KIAA1217: variants seen among roughly 807,000 people sequenced by gnomAD.
The protein encoded by KIAA1217 is sickle tail protein homolog.
KIAA1217 carries 88 observed loss-of-function variants against 163.9 expected under a neutral mutation model. That is an observed-to-expected ratio of 0.54 (90% CI 0.45 to 0.64). The LOEUF (loss-of-function observed/expected upper bound fraction) is 0.64, where lower values mean the gene tolerates loss of function less well. KIAA1217 is among the 30% of genes least tolerant of loss of function. The pLI, the probability that KIAA1217 is intolerant of heterozygous loss-of-function variation, is 0.00. For missense variants in KIAA1217, 2,372 were observed against 2,475.0 expected, an observed-to-expected ratio of 0.96 and a Z score of 0.88; for synonymous variants, 903 against 923.1, an observed-to-expected ratio of 0.98 and a Z score of 0.39.
intron 1 of KIAA1217, among the ~76,000 whole-genome samples, chr10:23,793,116 A>T (rs1836034893): frequency 1.3e-5 from 2 of 152,138 alleles, no homozygotes; most frequent in Non-Finnish European, 2.9e-5. Flanking sequence ...GAAATGAGTG[A>T]CGATTTGTGC....
chr10:23,871,480 T>C (rs1030177733), intron 1 of KIAA1217, among the ~76,000 whole-genome samples: 7 of 152,198 alleles, frequency 4.6e-5, no homozygotes, highest in Admixed American at 4.6e-4. Flanking sequence ...TCATTCTTGA[T>C]TTTTAGTCAA....
At chr10:23,816,277 TTTG>T (rs766444497) in intron 1 of KIAA1217, among the ~76,000 whole-genome samples, 86 of 152,152 alleles carry the variant, frequency 5.7e-4, no homozygotes, top group Middle Eastern at 3.4e-3. Context: ...CACATTTCTT[TTTG>T]TTGTTGTTGT....
chr10:23,930,294 A>G (rs1443510947), intron 1 of KIAA1217, among the ~76,000 whole-genome samples: 1 of 152,176 alleles, frequency 6.6e-6, no homozygotes, highest in Non-Finnish European at 1.5e-5. Flanking sequence ...TTAAAAAATC[A>G]ACCCCAGGAT....
intron 2 of KIAA1217, among the ~76,000 whole-genome samples, chr10:24,072,888 A>G (rs1023041603): frequency 1.3e-5 from 2 of 152,042 alleles, no homozygotes; most frequent in Non-Finnish European, 2.9e-5. Flanking sequence ...GTGAAACCCC[A>G]TCTCTACAGA....
intron 1 of KIAA1217, among the ~76,000 whole-genome samples, chr10:23,769,427 C>G (rs1049931539): frequency 2.7e-4 from 41 of 152,178 alleles, no homozygotes; most frequent in Non-Finnish European, 1.3e-4. Flanking sequence ...ATCTTGTAGC[C>G]TCCGGCTTCA....
chr10:24,514,403 G>A lies in KIAA1217; in HGVS notation c.2177+969G>A, dbSNP rs146206366. On this transcript the variant is annotated intron_variant, in intron 10 of 20. Transcript: ENST00000376454. The stretch of plus-strand genomic sequence containing the variant: ...CTATCTCCTATTGGAGCTGTGGCTC[G>A]TGTCGCCCTGGATGCCAACCTAATG... Among the ~76,000 whole-genome samples, 444 of 152,232 alleles carry A rather than the reference G, an allele frequency of 2.9e-3. 1 individual carries two copies. The highest frequency in any genetic ancestry group is 0.01 in the African/African-American group (431 of 41,524).
intron 2 of KIAA1217, among the ~76,000 whole-genome samples, chr10:24,190,723 T>C (rs1227854523): frequency 6.6e-6 from 1 of 152,232 alleles, no homozygotes; most frequent in East Asian, 1.9e-4. Flanking sequence ...CTTAACACCT[T>C]TCCATCCTTT....
At chr10:23,818,347 A>G (rs995442364) in intron 1 of KIAA1217, among the ~76,000 whole-genome samples, 1 of 116,966 alleles carries the variant, frequency 8.5e-6, no homozygotes, top group Non-Finnish European at 1.7e-5. Context: ...TATATATATA[A>G]AAAAATATAT....
At chr10:24,511,946 T>G (rs2069239503) in intron 9 of KIAA1217, among the ~76,000 whole-genome samples, 1 of 152,170 alleles carries the variant, frequency 6.6e-6, no homozygotes, top group South Asian at 2.1e-4. Flanking sequence ...CTACGAGCTA[T>G]GAGATATTAC....
chr10:24,142,174 T>C (rs2064114624), intron 2 of KIAA1217, among the ~76,000 whole-genome samples: 1 of 152,186 alleles, frequency 6.6e-6, no homozygotes, highest in African/African-American at 2.4e-5. Context: ...ATACCTGATA[T>C]GTATTTAGAT....
intron 2 of KIAA1217, among the ~76,000 whole-genome samples, chr10:24,301,918 G>A (rs559544592): frequency 1.4e-4 from 21 of 152,242 alleles, no homozygotes; most frequent in Admixed American, 5.2e-4. Flanking sequence ...GGTGGCGCCC[G>A]CCTATAATCC....
intron 1 of KIAA1217, among the ~76,000 whole-genome samples, chr10:23,713,905 C>T (rs1837409755): frequency 6.6e-6 from 1 of 152,120 alleles, no homozygotes; most frequent in Admixed American, 6.6e-5. Context: ...TAGCTCAGAA[C>T]TTTCTTCTGA....
intron 1 of KIAA1217, among the ~76,000 whole-genome samples, chr10:23,983,109 G>T (rs1186072678): frequency 6.6e-6 from 1 of 151,912 alleles, no homozygotes; most frequent in Non-Finnish European, 1.5e-5. Flanking sequence ...AGAACAAGCA[G>T]AAACAGGCAA....
intron 2 of KIAA1217, among the ~76,000 whole-genome samples, chr10:24,295,883 G>T (rs1478536478): frequency 2.6e-5 from 4 of 152,052 alleles, no homozygotes; most frequent in Non-Finnish European, 4.4e-5. Flanking sequence ...CGCTCTTATG[G>T]CACATGGCTC....
At chr10:24,259,649 G>A (rs2075529379) in intron 2 of KIAA1217, among the ~76,000 whole-genome samples, 1 of 152,204 alleles carries the variant, frequency 6.6e-6, no homozygotes, top group Non-Finnish European at 1.5e-5. Flanking sequence ...GTGAAAGCGA[G>A]TCCTGCTCAG....
In KIAA1217 at chr10:24,513,051, CTGGTTGCCAGT is replaced by C. The variant is rs199504479; in HGVS notation, c.2002-204_2002-194del. On this transcript the variant is annotated intron_variant, in intron 9 of 20. Transcript: ENST00000376454. ...AAGGATCCTTTGTCTTGCAGGCAGT[CTGGTTGCCAGT>C]TGGCTGCCAAAATTCAGATGTTGGT... Among the ~76,000 whole-genome samples the C allele has an allele frequency of 3.7e-4, 56 of 152,358 alleles. No homozygotes were observed. The East Asian group carries it at 7.7e-3, about 21-fold the overall frequency.
chr10:23,776,036 C>G (rs1299922853), intron 1 of KIAA1217, among the ~76,000 whole-genome samples: 2 of 152,116 alleles, frequency 1.3e-5, no homozygotes, highest in East Asian at 3.8e-4. Context: ...ATAAAGAACT[C>G]TAATAATTTC....
intron 1 of KIAA1217, among the ~76,000 whole-genome samples, chr10:23,834,013 G>T (rs1293696840): frequency 6.6e-6 from 1 of 151,840 alleles, no homozygotes; most frequent in Non-Finnish European, 1.5e-5. Flanking sequence ...AGTTTGTTTT[G>T]ACTGTTTCAT....
At chr10:24,099,991 A>G (rs1432359406) in intron 2 of KIAA1217, among the ~76,000 whole-genome samples, 1 of 152,112 alleles carries the variant, frequency 6.6e-6, no homozygotes, top group Non-Finnish European at 1.5e-5. Flanking sequence ...GCCTGCCAAT[A>G]ATATTCCACC....
Sources: gnomAD v4.1 joint callset for allele counts (sites outside exome capture counted in the v4.1 genomes callset) on GRCh38, gnomAD v4.1.1 for gene constraint, MANE v1.5 for transcripts, NCBI Gene and HGNC (gene_info 2026-07-23, HGNC 2026-07-21) for gene names.